The following XPR1 variants were observed in gnomAD, a reference collection of about 807,000 sequenced individuals.
XPR1 encodes the protein solute carrier family 53 member 1.
Under a neutral mutation model 87.5 loss-of-function variants are expected in XPR1, and 28 were observed. The ratio of observed to expected loss-of-function variants is 0.32; its 90% confidence interval spans 0.24 to 0.44. XPR1 has a LOEUF of 0.44. XPR1 is among the 20% of genes least tolerant of loss of function. The pLI is 1.00. For synonymous variants in XPR1, 300 were observed against 306.1 expected, an observed-to-expected ratio of 0.98 and a Z score of 0.21; for missense variants, 559 against 862.3, an observed-to-expected ratio of 0.65 and a Z score of 4.41.
intron 1 of XPR1, among the ~76,000 whole-genome samples, chr1:180,656,358 TATATATA>T (rs1239750649): frequency 3.8e-5 from 4 of 106,138 alleles, no homozygotes; most frequent in African/African-American, 1.6e-4. Context: ...TTAATATTTA[TATATATA>T]ATATTTATAT....
At chr1:180,720,910 A>G (rs1413710296) in intron 2 of XPR1, among the ~76,000 whole-genome samples, 1 of 152,168 alleles carries the variant, frequency 6.6e-6, no homozygotes, top group African/African-American at 2.4e-5. Flanking sequence ...AGAGGGTAAA[A>G]TGAGAGCCTT....
intron 2 of XPR1, among the ~76,000 whole-genome samples, chr1:180,695,948 T>C (rs1046609773): frequency 3.9e-5 from 6 of 152,018 alleles, no homozygotes; most frequent in African/African-American, 1.4e-4. Context: ...TTTGGGATTT[T>C]TTTTTCTATT....
chr1:180,688,867 T>C (rs1017867363), intron 2 of XPR1, among the ~76,000 whole-genome samples: 1 of 152,224 alleles, frequency 6.6e-6, no homozygotes. Context: ...TTATTTTTTT[T>C]TAAACTGCCT....
At chr1:180,739,622 C>T (rs560069447) in intron 2 of XPR1, among the ~76,000 whole-genome samples, 30 of 152,126 alleles carry the variant, frequency 2.0e-4, no homozygotes, top group East Asian at 1.9e-3. Flanking sequence ...TGTAGTTTTC[C>T]GTATACAGAT....
At chr1:180,712,712 A>G (rs965325597) in intron 2 of XPR1, among the ~76,000 whole-genome samples, 5 of 152,154 alleles carry the variant, frequency 3.3e-5, no homozygotes, top group African/African-American at 9.7e-5. Context: ...AGGCTGAGAC[A>G]GGAGAATCGC....
At chr1:180,750,771 C>CA (rs1389923467) in intron 2 of XPR1, among the ~76,000 whole-genome samples, 1 of 151,904 alleles carries the variant, frequency 6.6e-6, no homozygotes, top group Admixed American at 6.5e-5. Flanking sequence ...TCAATTTTTG[C>CA]AAAACAGTCT....
chr1:180,754,767 T>C lies in XPR1; in HGVS notation c.122-32986T>C, dbSNP rs556185035. On this transcript the variant is annotated intron_variant, in intron 2 of 14. Transcript: ENST00000367590. The stretch of plus-strand genomic sequence containing the variant: ...GTGAGCCATCGGGCCCGGCCTCCTT[T>C]CTTGTATTTTAAAATATGTGGTGAG... 6.5e-4 allele frequency among the ~76,000 whole-genome samples: 99 copies of C among 152,228 alleles called. 1 individual carries two copies. Among genetic ancestry groups the C allele is most frequent in the Non-Finnish European group, 1.2e-3 (79 of 68,004 alleles).
At chr1:180,647,072 G>C (rs1419378767) in intron 1 of XPR1, among the ~76,000 whole-genome samples, 1 of 152,220 alleles carries the variant, frequency 6.6e-6, no homozygotes, top group African/African-American at 2.4e-5. Flanking sequence ...CTCCACCTCA[G>C]ATCATTAGGC....
chr1:180,862,480 T>G (rs1393406976), intron 11 of XPR1, among the ~76,000 whole-genome samples: 2 of 151,842 alleles, frequency 1.3e-5, no homozygotes, highest in Non-Finnish European at 3.0e-5. Flanking sequence ...TTTGCAATAC[T>G]ATTTATTTAT....
chr1:180,860,759 T>C (rs562305422), intron 11 of XPR1, among the ~76,000 whole-genome samples: 2 of 150,700 alleles, frequency 1.3e-5, no homozygotes, highest in East Asian at 2.0e-4. Flanking sequence ...ATTGTAGTGA[T>C]GGGTACATGA....
At chr1:180,832,887 A>G (rs1651122200) in intron 9 of XPR1, among the ~76,000 whole-genome samples, 1 of 152,190 alleles carries the variant, frequency 6.6e-6, no homozygotes, top group Non-Finnish European at 1.5e-5. Flanking sequence ...AGTTTTTTAC[A>G]ATTCTGTGAA....
chr1:180,858,405 T>C (rs1340284482), intron 11 of XPR1, among the ~76,000 whole-genome samples: 1 of 152,200 alleles, frequency 6.6e-6, no homozygotes, highest in Non-Finnish European at 1.5e-5. Context: ...AGCAATAATA[T>C]GTGTAATAAC....
At chr1:180,675,984 A>C (rs578087036) in intron 1 of XPR1, among the ~76,000 whole-genome samples, 1 of 152,176 alleles carries the variant, frequency 6.6e-6, no homozygotes. Flanking sequence ...TAAGAAGCAA[A>C]AAGAGTTCCG....
intron 2 of XPR1, among the ~76,000 whole-genome samples, chr1:180,709,660 T>C (rs563686194): frequency 2.6e-5 from 4 of 152,288 alleles, no homozygotes; most frequent in Admixed American, 6.5e-5. Context: ...TCATTTTTTT[T>C]CCATGTCTTC....
intron 9 of XPR1, among the ~76,000 whole-genome samples, chr1:180,831,366 T>TTC (rs1315699639): frequency 0.014 from 1,818 of 132,504 alleles, 39 homozygotes; most frequent in African/African-American, 0.05. Context: ...CTTTTTCTTT[T>TTC]TTTTTTTTTT....
intron 1 of XPR1, among the ~76,000 whole-genome samples, chr1:180,669,821 TTA>T (rs1005781207): frequency 7.8e-4 from 118 of 152,212 alleles, no homozygotes; most frequent in African/African-American, 2.4e-3. Context: ...CAGTAAGAGA[TTA>T]ACAATAATAA....
In XPR1 at chr1:180,840,574, A is replaced by C. The variant is rs79219364; in HGVS notation, c.1501+3858A>C. 1.4e-4 allele frequency among the ~76,000 whole-genome samples: 19 copies of C among 131,038 alleles called. 1 individual carries two copies. The highest frequency in any genetic ancestry group is 2.4e-4 in the Non-Finnish European group (15 of 63,116). The allele number at this position is 131,038 out of a possible 152,430, so 86.0% of individuals were successfully genotyped here. A position where few individuals can be genotyped will look rare whatever the true frequency, so the allele number is the denominator to read the frequency against. On this transcript the variant is annotated intron_variant, in intron 11 of 14. Transcript: ENST00000367590. Reference sequence around the variant, plus strand: ...TGTGTGTGTGTGTGTGTGTATATATATATATATATATATATAAACTGGACA... The same window carrying C: ...TGTGTGTGTGTGTGTGTGTATATATCTATATATATATATATAAACTGGACA...
chr1:180,805,974 C>T, intron 4 of XPR1, 88 bp from the exon 5 acceptor site: 3 of 1,392,550 alleles, frequency 2.2e-6, no homozygotes, highest in South Asian at 1.5e-5. Context: ...TTTGTCCAGC[C>T]AGCTCTGTCA....
At chr1:180,723,372 A>G (rs557842602) in intron 2 of XPR1, among the ~76,000 whole-genome samples, 1 of 152,240 alleles carries the variant, frequency 6.6e-6, no homozygotes, top group Non-Finnish European at 1.5e-5. Context: ...TCAAAGTTAT[A>G]TACTCCAATT....
Sources: allele counts gnomAD v4.1 joint callset (sites outside exome capture counted in the v4.1 genomes callset), GRCh38; gene constraint gnomAD v4.1.1; transcripts MANE v1.5; gene names NCBI Gene and HGNC (gene_info 2026-07-23, HGNC 2026-07-21).